Variants in GPATCH2 observed in about 807,000 individuals in gnomAD.
GPATCH2 encodes the protein G patch domain-containing protein 2.
A neutral mutation model predicts 58.0 loss-of-function variants in GPATCH2; 51 were observed. The observed-to-expected ratio is 0.88, with a 90% CI of 0.70 to 1.11. GPATCH2 has a LOEUF of 1.11. Ranked by LOEUF, GPATCH2 falls within the 50% of genes most tolerant of loss-of-function variation. The pLI is 0.00. For synonymous variants in GPATCH2, 222 were observed against 218.5 expected (o/e 1.02, Z -0.14); for missense variants, 625 against 652.2 (o/e 0.96, Z 0.45).
In GPATCH2 at chr1:217,615,226, T is replaced by C. The variant is rs564174630; in HGVS notation, c.774-1024A>G. Reference sequence around the variant, plus strand: ...ATTATAGATGAGATCTAAATTCACATACATTTTCTGAATATAATTTGTTTC... The same window carrying C: ...ATTATAGATGAGATCTAAATTCACACACATTTTCTGAATATAATTTGTTTC... On this transcript the variant is annotated intron_variant, in intron 2 of 9. Transcript: ENST00000366935. 3.3e-4 allele frequency among the ~76,000 whole-genome samples: 50 copies of C among 152,196 alleles called. 1 individual carries two copies. Among genetic ancestry groups the C allele is most frequent in the African/African-American group, 1.0e-3 (42 of 41,566 alleles).
intron 8 of GPATCH2, among the ~76,000 whole-genome samples, chr1:217,472,846 G>C (rs1660790177): frequency 1.3e-5 from 2 of 152,210 alleles, no homozygotes; most frequent in South Asian, 4.1e-4. Flanking sequence ...TCAAGGATAA[G>C]TGGAGAAAGA....
At chr1:217,582,162 T>C (rs940664335) in intron 5 of GPATCH2, among the ~76,000 whole-genome samples, 1 of 152,176 alleles carries the variant, frequency 6.6e-6, no homozygotes, top group Admixed American at 6.5e-5. Flanking sequence ...CCTACTTCTT[T>C]TCGTCTATAC....
chr1:217,427,651 G>T lies in GPATCH2; in HGVS notation c.*3494C>A, dbSNP rs567877028. The T allele has an allele frequency of 7.9e-5, 12 of 152,100 alleles. 1 individual carries two copies. In the South Asian group the frequency reaches 2.5e-3, roughly 32 times the overall value. The allele number at this position is 152,100 out of a possible 1,614,324, so 9.4% of individuals were successfully genotyped here. ...ACAATTTCTTTACAATGCCAACTTA[G>T]ATCACTTTTCTTTTTGAAAGACAAA... is the stretch of plus-strand genomic sequence containing the variant. On this transcript the variant is annotated 3_prime_UTR_variant, in exon 10 of 10. Coordinates refer to ENST00000366935, the MANE Select transcript of GPATCH2 (RefSeq NM_018040.5).
At position 217,487,037 on chromosome 1, in the gene GPATCH2, T is replaced by C. The variant is rs543939342; in HGVS notation, c.1277+4643A>G. On this transcript the variant is annotated intron_variant, in intron 8 of 9. Transcript: ENST00000366935. ...GTTCTCCCAAGGCAATGGCCAATGA[T>C]AAAACAGTACAGAATTGTATTTCAT... Among the ~76,000 whole-genome samples, 42 of 152,358 alleles carry C rather than the reference T, an allele frequency of 2.8e-4. No individual in the cohort carries two copies. In the Middle Eastern group the frequency reaches 0.01, roughly 37 times the overall value.
At chr1:217,547,818 T>C (rs1665140711) in intron 5 of GPATCH2, among the ~76,000 whole-genome samples, 1 of 152,082 alleles carries the variant, frequency 6.6e-6, no homozygotes, top group South Asian at 2.1e-4. Context: ...GTAATTACCA[T>C]GTGTCAGAGG....
chr1:217,529,726 C>A (rs1664096155), intron 5 of GPATCH2, among the ~76,000 whole-genome samples: 1 of 152,126 alleles, frequency 6.6e-6, no homozygotes, highest in Non-Finnish European at 1.5e-5. Flanking sequence ...ACTTCTTTCC[C>A]AATTTCCCCA....
At chr1:217,536,501 T>C (rs907164164) in intron 5 of GPATCH2, among the ~76,000 whole-genome samples, 1 of 152,228 alleles carries the variant, frequency 6.6e-6, no homozygotes, top group Non-Finnish European at 1.5e-5. Flanking sequence ...ATTTCTTCTA[T>C]AGTGTATTCT....
At chr1:217,585,086 A>G (rs888583593) in intron 5 of GPATCH2, among the ~76,000 whole-genome samples, 2 of 152,142 alleles carry the variant, frequency 1.3e-5, no homozygotes, top group African/African-American at 4.8e-5. Flanking sequence ...TAAATTAACC[A>G]GGAAGGTTAA....
chr1:217,494,057 A>G (rs1045076742), intron 7 of GPATCH2, among the ~76,000 whole-genome samples: 1 of 152,206 alleles, frequency 6.6e-6, no homozygotes. Flanking sequence ...GATAGTTCTC[A>G]GAGAGGCCAC....
intron 9 of GPATCH2, among the ~76,000 whole-genome samples, chr1:217,439,372 T>A (rs914964328): frequency 3.9e-5 from 6 of 152,112 alleles, no homozygotes; most frequent in Admixed American, 6.6e-5. Flanking sequence ...AAAGCAGTGT[T>A]TAGAGGGAAA....
At chr1:217,621,742 A>G (rs907418237) in intron 1 of GPATCH2, among the ~76,000 whole-genome samples, 1 of 152,228 alleles carries the variant, frequency 6.6e-6, no homozygotes, top group East Asian at 1.9e-4. Context: ...CAAGTTCCTT[A>G]TAACAGCTTT....
intron 5 of GPATCH2, among the ~76,000 whole-genome samples, chr1:217,588,282 C>A (rs193031482): frequency 1.2e-3 from 186 of 152,270 alleles, no homozygotes; most frequent in African/African-American, 4.2e-3. Context: ...CTGCTAAGAA[C>A]TGGTAGCAAT....
intron 5 of GPATCH2, among the ~76,000 whole-genome samples, chr1:217,573,002 A>C (rs1290974147): frequency 6.6e-6 from 1 of 152,228 alleles, no homozygotes; most frequent in African/African-American, 2.4e-5. Flanking sequence ...CTGCAATCCA[A>C]AACATTAGAA....
chr1:217,480,491 C>G (rs969103117), intron 8 of GPATCH2, among the ~76,000 whole-genome samples: 1 of 151,976 alleles, frequency 6.6e-6, no homozygotes, highest in African/African-American at 2.4e-5. Context: ...GAGGTAATAA[C>G]GAATTCTGGC....
intron 8 of GPATCH2, among the ~76,000 whole-genome samples, chr1:217,466,186 C>T (rs187345104): frequency 6.6e-6 from 1 of 151,526 alleles, no homozygotes. Context: ...AAAAAGAGTA[C>T]AGAAGCATTG....
chr1:217,508,758 T>A (rs1571829568), intron 6 of GPATCH2, among the ~76,000 whole-genome samples: 1 of 152,190 alleles, frequency 6.6e-6, no homozygotes, highest in African/African-American at 2.4e-5. Context: ...TTACTTTTAC[T>A]GAGAAATTAG....
At position 217,531,044 on chromosome 1, in the gene GPATCH2, A is replaced by AACAC. The variant is rs56751109; in HGVS notation, c.1099-16159_1099-16156dup. Among the ~76,000 whole-genome samples, 1,075 of 148,248 alleles carry AACAC rather than the reference A, an allele frequency of 7.3e-3. 8 individuals carry two copies. The highest frequency in any genetic ancestry group is 8.4e-3 in the South Asian group (39 of 4,660). On this transcript the variant is annotated intron_variant, in intron 5 of 9. Transcript: ENST00000366935. Reference sequence around the variant, plus strand: ...ACCTCCTCCCAAGCCCAGTTACACAAACACACACACACACACACACACACA... The same window carrying AACAC: ...ACCTCCTCCCAAGCCCAGTTACACAAACACACACACACACACACACACACACACA...
At chr1:217,575,747 A>G (rs940391657) in intron 5 of GPATCH2, among the ~76,000 whole-genome samples, 1 of 152,190 alleles carries the variant, frequency 6.6e-6, no homozygotes, top group African/African-American at 2.4e-5. Flanking sequence ...ATAGAAAAAT[A>G]TTAGCAGAAA....
chr1:217,454,576 G>A (rs377306737), intron 8 of GPATCH2, among the ~76,000 whole-genome samples: 7 of 113,154 alleles, frequency 6.2e-5, no homozygotes, highest in South Asian at 6.7e-4. Flanking sequence ...GCGACAGAGC[G>A]AGACTCTGTC....
Sources: gnomAD v4.1 joint callset for allele counts (sites outside exome capture counted in the v4.1 genomes callset) on GRCh38, gnomAD v4.1.1 for gene constraint, MANE v1.5 for transcripts, NCBI Gene and HGNC (gene_info 2026-07-23, HGNC 2026-07-21) for gene names.